GNG4: variants seen among roughly 807,000 people sequenced by gnomAD.
The protein encoded by GNG4 is guanine nucleotide-binding protein G(I)/G(S)/G(O) subunit gamma-4.
Under a neutral mutation model 5.8 loss-of-function variants are expected in GNG4, and 4 were observed. The observed-to-expected ratio is 0.69, with a 90% CI of 0.34 to 1.57. The LOEUF is 1.57. Among genes scored for constraint, GNG4 ranks in the 40% most tolerant of loss-of-function variants. GNG4 has a pLI of 0.06. For missense variants in GNG4, 96 were observed against 95.1 expected, an observed-to-expected ratio of 1.01 and a Z score of -0.04; for synonymous variants, 29 against 32.9, an observed-to-expected ratio of 0.88 and a Z score of 0.41.
intron 1 of GNG4, among the ~76,000 whole-genome samples, chr1:235,631,505 C>T (rs60821745): frequency 0.018 from 2,734 of 152,208 alleles, 87 homozygotes; most frequent in African/African-American, 0.061. Flanking sequence ...GGTGCCTGGA[C>T]CCTAAAGTGG....
intron 1 of GNG4, among the ~76,000 whole-genome samples, chr1:235,645,318 T>C (rs1031848642): frequency 3.3e-5 from 5 of 152,206 alleles, no homozygotes; most frequent in African/African-American, 7.2e-5. Context: ...CTTGCTCTTT[T>C]CTTCCCGCCA....
chr1:235,594,729 A>G (rs2774326), intron 2 of GNG4, among the ~76,000 whole-genome samples: 49,017 of 151,274 alleles, frequency 0.32, 9,512 homozygotes, highest in East Asian at 0.79. Context: ...GTCCGCAAGC[A>G]CCGTGCGCAG....
rs1037959193 is a variant in GNG4, at chr1:235,583,626, G to A, written c.99+114C>T. 4.6e-6 allele frequency: 3 copies of A among 652,256 alleles called. No homozygotes were observed. The African/African-American group carries it at 5.4e-5, about 12-fold the overall frequency. 40.4% of individuals were successfully genotyped at this position (652,256 alleles called of 1,614,324 possible). A position where few individuals can be genotyped will look rare whatever the true frequency, so the allele number is the denominator to read the frequency against. On this transcript the variant is annotated intron_variant, in intron 3 of 3. Transcript: ENST00000391854. ...TGTAAATGTTACAGCTGCCAAGGTT[G>A]GCTGCATGCTCTGCTGGGTGACGTG... is the stretch of plus-strand genomic sequence containing the variant.
chr1:235,606,728 C>T (rs141005610), intron 1 of GNG4, among the ~76,000 whole-genome samples: 9 of 152,102 alleles, frequency 5.9e-5, no homozygotes, highest in East Asian at 5.8e-4. Flanking sequence ...GGGCTGAAGA[C>T]GGAGCTGAGC....
intron 1 of GNG4, among the ~76,000 whole-genome samples, chr1:235,609,839 C>T (rs780431325): frequency 6.6e-6 from 1 of 151,796 alleles, no homozygotes; most frequent in Non-Finnish European, 1.5e-5. Context: ...CACGTCATTG[C>T]ACACCAGCCT....
chr1:235,565,154 G>A (rs1687162581), intron 3 of GNG4, among the ~76,000 whole-genome samples: 1 of 152,164 alleles, frequency 6.6e-6, no homozygotes, highest in Admixed American at 6.5e-5. Context: ...CCATGGTGCT[G>A]GCAAGAATCC....
In GNG4 at chr1:235,648,111, T is replaced by G. The variant is rs1657557212; in HGVS notation, c.-123+1551A>C. Among the ~76,000 whole-genome samples, 1 of 152,152 alleles carries G rather than the reference T, an allele frequency of 6.6e-6. No individual in the cohort carries two copies. The highest frequency in any genetic ancestry group is 6.5e-5 in the Admixed American group (1 of 15,276). On this transcript the variant is annotated intron_variant, in intron 1 of 3. Coordinates refer to ENST00000391854, the MANE Select transcript of GNG4 (RefSeq NM_001098722.2). This position sits in a 1 kb window ranked among gnomAD's most constrained non-coding sequence, Gnocchi z 5.0. ...GGGAATGGCCCCTTAGCTGTGCTGT[T>G]TCTGAGCCAGGCCTACATCCTCCAC...
chr1:235,604,662 C>T (rs1688323393), intron 1 of GNG4, among the ~76,000 whole-genome samples: 1 of 152,206 alleles, frequency 6.6e-6, no homozygotes, highest in African/African-American at 2.4e-5. Context: ...AAGATACCAG[C>T]CATTGGTCTT....
chr1:235,634,004 T>A (rs556731709), intron 1 of GNG4, among the ~76,000 whole-genome samples: 1 of 152,200 alleles, frequency 6.6e-6, no homozygotes, highest in African/African-American at 2.4e-5. Flanking sequence ...AGGTTCATGG[T>A]GGGAAATGGG....
intron 3 of GNG4, among the ~76,000 whole-genome samples, chr1:235,579,219 A>C (rs1687561922): frequency 6.6e-6 from 1 of 152,144 alleles, no homozygotes; most frequent in Admixed American, 6.5e-5. Flanking sequence ...ATAGGTTTTA[A>C]GTGTTCTCAC....
intron 1 of GNG4, among the ~76,000 whole-genome samples, chr1:235,600,828 T>C (rs1293888386): frequency 3.3e-5 from 5 of 152,256 alleles, no homozygotes; most frequent in Non-Finnish European, 7.3e-5. Flanking sequence ...ATTGCTGTGT[T>C]TCATTGTGAG....
chr1:235,603,411 C>G (rs923197296), intron 1 of GNG4, among the ~76,000 whole-genome samples: 2 of 152,128 alleles, frequency 1.3e-5, no homozygotes, highest in Admixed American at 6.5e-5. Flanking sequence ...ATGATCAATT[C>G]TGCTGTTTCT....
At chr1:235,650,166 G>A (rs1657639944), upstream of GNG4, among the ~76,000 whole-genome samples, 2 of 147,832 alleles carry the variant, frequency 1.4e-5, no homozygotes, top group African/African-American at 5.0e-5. Flanking sequence ...CCCTGTCCCA[G>A]CAAAGGGCCG....
At chr1:235,579,862 A>AAAAAAAAAAAAAAAAC (rs57019025) in intron 3 of GNG4, among the ~76,000 whole-genome samples, 1 of 108,580 alleles carries the variant, frequency 9.2e-6, no homozygotes, top group Admixed American at 1.1e-4. Flanking sequence ...CAAAAAAAAA[A>AAAAAAAAAAAAAAAAC]AGGTAAAAAG....
intron 2 of GNG4, among the ~76,000 whole-genome samples, chr1:235,587,785 T>C (rs1687853021): frequency 1.7e-5 from 2 of 118,778 alleles, no homozygotes; most frequent in African/African-American, 3.2e-5. Flanking sequence ...TGGGGGTGTG[T>C]GTGTGTGTGA....
At chr1:235,553,235 C>T (rs1054720439) in intron 3 of GNG4, among the ~76,000 whole-genome samples, 4 of 152,086 alleles carry the variant, frequency 2.6e-5, no homozygotes, top group Non-Finnish European at 4.4e-5. Flanking sequence ...TGGGAGAGGG[C>T]GGGGTGCGGA....
rs1015250917 is a variant in GNG4 at position 235,648,397 on chromosome 1, CTCTG to C, written c.-123+1261_-123+1264del. On this transcript the variant is annotated intron_variant, in intron 1 of 3. Coordinates refer to ENST00000391854, the MANE Select transcript of GNG4 (RefSeq NM_001098722.2). The surrounding 1 kb of genome is among the most constrained non-coding windows in gnomAD (Gnocchi z 5.0). ...TCAAAAACAATCCAGTTTATAGGTC[CTCTG>C]TCTGTTTCTCCGGGCTGGAAAAGGC... is the stretch of plus-strand genomic sequence containing the variant. Among the ~76,000 whole-genome samples the C allele has an allele frequency of 6.6e-6, 1 of 152,224 alleles. No individual in the cohort carries two copies. The highest frequency in any genetic ancestry group is 1.5e-5 in the Non-Finnish European group (1 of 68,036).
intron 3 of GNG4, among the ~76,000 whole-genome samples, chr1:235,565,603 G>C (rs1402496552): frequency 6.6e-6 from 1 of 152,198 alleles, no homozygotes; most frequent in Non-Finnish European, 1.5e-5. Flanking sequence ...AACCACAATG[G>C]GCTGGTGCAA....
chr1:235,620,329 C>T (rs1688680526), intron 1 of GNG4, among the ~76,000 whole-genome samples: 1 of 152,118 alleles, frequency 6.6e-6, no homozygotes, highest in Admixed American at 6.5e-5. Flanking sequence ...CACACCATTG[C>T]ACTCCAGCCT....
Sources: gnomAD v4.1 joint callset for allele counts (sites outside exome capture counted in the v4.1 genomes callset) on GRCh38, gnomAD v4.1.1 for gene constraint, Gnocchi (gnomAD v3.1) non-coding constraint, MANE v1.5 for transcripts, NCBI Gene and HGNC (gene_info 2026-07-23, HGNC 2026-07-21) for gene names.